PCDHA1: variants seen among roughly 807,000 people sequenced by gnomAD.
PCDHA1 encodes protocadherin alpha 1, also known as protocadherin alpha-1.
PCDHA1 carries 42 observed loss-of-function variants against 61.3 expected under a neutral mutation model. That is an observed-to-expected ratio of 0.69 (90% confidence interval 0.54 to 0.89). The LOEUF is 0.89. Among genes scored for constraint, PCDHA1 ranks in the 40% least tolerant of loss-of-function variants. The pLI is 0.00. For missense variants in PCDHA1, 1,256 were observed against 1,235.3 expected, an observed-to-expected ratio of 1.02 and a Z score of -0.25; for synonymous variants, 610 against 553.8, an observed-to-expected ratio of 1.10 and a Z score of -1.43.
intron 1 of PCDHA1, among the ~76,000 whole-genome samples, chr5:140,941,259 T>TTCTTTC (rs1554214225): frequency 1.2e-3 from 146 of 121,812 alleles, no homozygotes; most frequent in African/African-American, 3.7e-3. Flanking sequence ...TTCTTTCTCT[T>TTCTTTC]TCTTTCTTTC....
At chr5:140,967,380 A>C in intron 1 of PCDHA1, 3 of 1,608,302 alleles carry the variant, frequency 1.9e-6, no homozygotes, top group Non-Finnish European at 2.6e-6. Flanking sequence ...GAGAACAGTA[A>C]AGTGCTTGAG....
At chr5:140,980,284 T>C (rs1226756896) in intron 2 of PCDHA1, among the ~76,000 whole-genome samples, 6 of 152,182 alleles carry the variant, frequency 3.9e-5, no homozygotes, top group African/African-American at 1.4e-4. Flanking sequence ...TCTTGAAAAG[T>C]ACCAAAGCTA....
chr5:140,796,869 TGC>T lies in PCDHA1; in HGVS notation c.2394+8186_2394+8187del, dbSNP rs782109876. 14 of 1,613,952 alleles carry T rather than the reference TGC, an allele frequency of 8.7e-6. No homozygotes were observed. In the South Asian group the frequency reaches 1.5e-4, roughly 18 times the overall value. Reference sequence around the variant, plus strand: ...ACACGGGTGAGATCAGCACGACACGTGCCCTAGACGAGGCTGACTCCCCTCGA... The same window carrying T: ...ACACGGGTGAGATCAGCACGACACGTCCTAGACGAGGCTGACTCCCCTCGA... On this transcript the variant is annotated intron_variant, in intron 1 of 3. Coordinates refer to ENST00000504120, the MANE Select transcript of PCDHA1 (RefSeq NM_018900.4).
At chr5:140,802,903 G>T in intron 1 of PCDHA1, 1 of 1,613,792 alleles carries the variant, frequency 6.2e-7, no homozygotes. Context: ...CTGATGCCTC[G>T]GGTGGGTGGC....
At chr5:140,969,091 G>A (rs1554231442) in intron 1 of PCDHA1, 3 of 1,614,152 alleles carry the variant, frequency 1.9e-6, no homozygotes, top group Admixed American at 1.7e-5. Context: ...TCAAAGTGCA[G>A]CCTCACTTCA....
In PCDHA1 at chr5:140,787,367, CAGAG is replaced by C. The variant is rs782631523; in HGVS notation, c.1080_1083del (p.Glu361ThrfsTer24). The C allele has an allele frequency of 5.0e-6, 8 of 1,614,104 alleles. No individual in the cohort carries two copies. The highest frequency in any genetic ancestry group is 6.8e-6 in the Non-Finnish European group (8 of 1,180,036). On this transcript the variant is annotated frameshift_variant, in exon 1 of 4. Transcript: ENST00000504120. LOFTEE classifies it high-confidence loss of function. ...CGGTCACTTCATTGTATTTGCCTAT[CAGAG>C]AGGACGCTCCACTCAGCACCGTCAT...
At chr5:140,929,316 C>A in intron 1 of PCDHA1, 1 of 1,556,954 alleles carries the variant, frequency 6.4e-7, no homozygotes, top group South Asian at 1.2e-5. Flanking sequence ...ACGCTAATGT[C>A]AATGCCATGG....
chr5:140,926,812 G>C, intron 1 of PCDHA1: 3 of 1,459,082 alleles, frequency 2.1e-6, no homozygotes, highest in Non-Finnish European at 1.8e-6. Flanking sequence ...CCCGCGGCTC[G>C]TGCTCTCCAG....
intron 1 of PCDHA1, among the ~76,000 whole-genome samples, chr5:140,958,345 C>G (rs1220590485): frequency 6.6e-6 from 1 of 152,044 alleles, no homozygotes; most frequent in African/African-American, 2.4e-5. Flanking sequence ...ACAGGAAGTT[C>G]ACAGTCTGAC....
At chr5:141,004,597 C>CTTAG (rs1554259623) in intron 3 of PCDHA1, among the ~76,000 whole-genome samples, 1 of 152,218 alleles carries the variant, frequency 6.6e-6, no homozygotes, top group African/African-American at 2.4e-5. Flanking sequence ...GATGACAGTG[C>CTTAG]TTAGGCCTCA....
Position 140,884,200 on chromosome 5 carries a change from C to T in PCDHA1, c.2395-94749C>T, listed in dbSNP as rs2060048327. 2.5e-6 allele frequency: 4 copies of T among 1,613,458 alleles called. No individual in the cohort carries two copies. The Admixed American group carries it at 5.0e-5, about 20-fold the overall frequency. Reference sequence around the variant, plus strand: ...CTCTGGACGAGGTGGACGCGCCGCACCACCGCCTTCTGGTGCTGGTGAAGG... The same window carrying T: ...CTCTGGACGAGGTGGACGCGCCGCATCACCGCCTTCTGGTGCTGGTGAAGG... On this transcript the variant is annotated intron_variant, in intron 1 of 3. Transcript: ENST00000504120.
In PCDHA1 at chr5:140,877,192, G is replaced by C. The variant is rs202102698; in HGVS notation, c.2394+88508G>C. 3.5e-4 allele frequency: 559 copies of C among 1,613,846 alleles called. 3 individuals are homozygous for C. The African/African-American group carries it at 6.5e-3, about 19-fold the overall frequency. Reference sequence around the variant, plus strand: ...GCTGGCGACTCCGGCTGGCAGCGCAGGAGGCGCAGTTAGCGAGTTGGTACC... The same window carrying C: ...GCTGGCGACTCCGGCTGGCAGCGCACGAGGCGCAGTTAGCGAGTTGGTACC... On this transcript the variant is annotated intron_variant, in intron 1 of 3. Coordinates refer to ENST00000504120, the MANE Select transcript of PCDHA1 (RefSeq NM_018900.4).
intron 1 of PCDHA1, among the ~76,000 whole-genome samples, chr5:140,906,844 G>C (rs1295549477): frequency 6.6e-6 from 1 of 152,192 alleles, no homozygotes; most frequent in Non-Finnish European, 1.5e-5. Context: ...TTCATCTTGA[G>C]AGTCTGGGTC....
chr5:140,884,573 C>T, intron 1 of PCDHA1: 1 of 1,614,170 alleles, frequency 6.2e-7, no homozygotes, highest in Non-Finnish European at 8.5e-7. Flanking sequence ...TAAGACGGAC[C>T]TCATGGCCTT....
chr5:140,857,868 C>T (rs782242383), intron 1 of PCDHA1: 2 of 1,597,584 alleles, frequency 1.3e-6, no homozygotes, highest in South Asian at 1.1e-5. Flanking sequence ...GCGTGGCTGT[C>T]GTATGAATTG....
chr5:140,951,150 ATAGT>A (rs33995910), intron 1 of PCDHA1, among the ~76,000 whole-genome samples: 85,202 of 151,324 alleles, frequency 0.56, 24,547 homozygotes, highest in African/African-American at 0.69. Context: ...CTTATTGAAT[ATAGT>A]TATAGTAGCT....
intron 1 of PCDHA1, chr5:140,848,435 A>G: frequency 6.8e-7 from 1 of 1,473,142 alleles, no homozygotes; most frequent in Non-Finnish European, 9.3e-7. Flanking sequence ...TGACGAAATC[A>G]GATGATTTCT....
At chr5:140,884,820 T>A (rs1318105542) in intron 1 of PCDHA1, 2 of 1,013,184 alleles carry the variant, frequency 2.0e-6, no homozygotes, top group Non-Finnish European at 2.8e-6. Context: ...GTGGACATTA[T>A]GTGTTGGATT....
intron 1 of PCDHA1, chr5:140,795,560 C>G: frequency 5.0e-6 from 8 of 1,614,118 alleles, no homozygotes; most frequent in Non-Finnish European, 6.8e-6. Flanking sequence ...CTGGGGAAAT[C>G]GCTGGACAGA....
Sources: allele counts gnomAD v4.1 joint callset (sites outside exome capture counted in the v4.1 genomes callset), GRCh38; gene constraint gnomAD v4.1.1; transcripts MANE v1.5; gene names NCBI Gene and HGNC (gene_info 2026-07-23, HGNC 2026-07-21).